LARP1B: variants seen among roughly 807,000 people sequenced by gnomAD.
LARP1B encodes the protein la-related protein 1B.
In LARP1B, 76 loss-of-function variants were observed where a neutral mutation model predicts 114.2. The observed-to-expected ratio is 0.67, with a 90% confidence interval of 0.55 to 0.81. The LOEUF (loss-of-function observed/expected upper bound fraction) is 0.81, where lower values mean the gene tolerates loss of function less well. Ranked by LOEUF, LARP1B falls within the 30% of genes least tolerant of loss-of-function variation. The pLI is 0.00. For synonymous variants in LARP1B, 345 were observed against 348.0 expected (o/e 0.99, Z 0.10); for missense variants, 1,014 against 1,075.8 (o/e 0.94, Z 0.80).
At chr4:128,126,209 C>T (rs574370941) in intron 11 of LARP1B, among the ~76,000 whole-genome samples, 9 of 151,414 alleles carry the variant, frequency 5.9e-5, no homozygotes, top group African/African-American at 1.9e-4. Flanking sequence ...GCAACCTCCG[C>T]CTCCCAGGTT....
chr4:128,112,469 T>TC (rs1784454540), intron 9 of LARP1B, among the ~76,000 whole-genome samples: 1 of 132,610 alleles, frequency 7.5e-6, no homozygotes, highest in African/African-American at 2.8e-5. Flanking sequence ...TTACTCTATT[T>TC]TTTTTTTTTT....
chr4:128,221,544 C>T (rs144566017), intron 7 of LARP1B, among the ~76,000 whole-genome samples: 41 of 152,260 alleles, frequency 2.7e-4, no homozygotes, highest in African/African-American at 8.2e-4. Context: ...AACCAGAATC[C>T]GCTGCTATTG....
At chr4:128,208,748 G>T (rs556734324) in intron 19 of LARP1B, among the ~76,000 whole-genome samples, 1 of 152,208 alleles carries the variant, frequency 6.6e-6, no homozygotes, top group Non-Finnish European at 1.5e-5. Context: ...GACTTTTTTT[G>T]AATGCAGGAT....
At chr4:128,117,387 T>C (rs1385497169) in intron 10 of LARP1B, among the ~76,000 whole-genome samples, 1 of 151,992 alleles carries the variant, frequency 6.6e-6, no homozygotes, top group Non-Finnish European at 1.5e-5. Flanking sequence ...TTTTTGCATT[T>C]ATCTATTTAT....
Position 128,210,546 on chromosome 4 carries a change from GTA to G in LARP1B, c.*497_*498del, listed in dbSNP as rs1475475616. On this transcript the variant is annotated 3_prime_UTR_variant, in exon 20 of 20. Transcript: ENST00000326639. ...ACTTACCAAAACAAAGGAGGATTACGTATATGTTTTTTAAATTCAAAAAAGAA... is the reference window on the plus strand; with the variant it reads ...ACTTACCAAAACAAAGGAGGATTACGTATGTTTTTTAAATTCAAAAAAGAA... 2.3e-5 allele frequency: 22 copies of G among 962,326 alleles called. No homozygotes were observed. Among genetic ancestry groups the G allele is most frequent in the East Asian group, 1.1e-4 (1 of 8,754 alleles). The allele number at this position is 962,326 out of a possible 1,614,324, so 59.6% of individuals were successfully genotyped here.
chr4:128,077,558 G>A (rs1322784661), intron 3 of LARP1B, among the ~76,000 whole-genome samples: 1 of 123,686 alleles, frequency 8.1e-6, no homozygotes, highest in Non-Finnish European at 1.6e-5. Context: ...ACTGAGTTTT[G>A]AAAGTTCATA....
intron 4 of LARP1B, among the ~76,000 whole-genome samples, chr4:128,081,703 A>G (rs1770531337): frequency 1.3e-5 from 2 of 152,158 alleles, no homozygotes; most frequent in African/African-American, 4.8e-5. Flanking sequence ...AGTTAAATTT[A>G]CAAGGGGATT....
chr4:128,127,837 A>C (rs1239021639), intron 11 of LARP1B, among the ~76,000 whole-genome samples: 2 of 152,202 alleles, frequency 1.3e-5, no homozygotes, highest in Non-Finnish European at 2.9e-5. Flanking sequence ...CTCGCAAAAC[A>C]AACAAAAAAC....
At chr4:128,069,639 G>A (rs903344815) in intron 1 of LARP1B, 2 of 620,298 alleles carry the variant, frequency 3.2e-6, no homozygotes, top group Admixed American at 5.0e-5. Flanking sequence ...GCTGCTGCTA[G>A]ACAGAAGGGG....
rs567073550 is a variant in LARP1B, at chr4:128,076,996, G to A, written c.43-792G>A. Among the ~76,000 whole-genome samples, 692 of 152,174 alleles carry A rather than the reference G, an allele frequency of 4.5e-3. 5 individuals carry two copies. Among genetic ancestry groups the A allele is most frequent in the Non-Finnish European group, 8.4e-3 (574 of 68,024 alleles). On this transcript the variant is annotated intron_variant, in intron 3 of 19. Transcript: ENST00000326639. ...CCTGCCTTGGCTTCCCAAAGTGCTAGGATTACAGGTGTGAGCCACCGAACC... is the reference window on the plus strand; with the variant it reads ...CCTGCCTTGGCTTCCCAAAGTGCTAAGATTACAGGTGTGAGCCACCGAACC...
chr4:128,073,572 G>GTTTTTTTTTTTTTTTTTTTTTTTTTTTT (rs568197117), intron 1 of LARP1B, among the ~76,000 whole-genome samples: 1 of 39,996 alleles, frequency 2.5e-5, no homozygotes, highest in Non-Finnish European at 5.0e-5. Flanking sequence ...TATTGTTGTC[G>GTTTTTTTTTTTTTTTTTTTTTTTTTTTT]TTTTTTTTTT....
intron 1 of LARP1B, chr4:128,061,754 G>T (rs939440922): frequency 6.1e-5 from 60 of 984,856 alleles, no homozygotes; most frequent in Non-Finnish European, 7.2e-5. Flanking sequence ...CGCGGTGACT[G>T]CTGAGAGGGA....
chr4:128,102,169 C>G (rs1325060144), intron 8 of LARP1B, among the ~76,000 whole-genome samples: 1 of 152,138 alleles, frequency 6.6e-6, no homozygotes, highest in African/African-American at 2.4e-5. Flanking sequence ...TCATTATGCA[C>G]CTACCATTTG....
chr4:128,152,559 TTTTTTA>T (rs1273187603), intron 11 of LARP1B, among the ~76,000 whole-genome samples: 2 of 151,802 alleles, frequency 1.3e-5, no homozygotes, highest in Admixed American at 6.6e-5. Flanking sequence ...ATGTTTTTTA[TTTTTTA>T]TTTTTATTTT....
At chr4:128,062,218 A>G in intron 1 of LARP1B, 1 of 985,426 alleles carries the variant, frequency 1.0e-6, no homozygotes, top group Non-Finnish European at 1.2e-6. Context: ...CCCTGGAGGC[A>G]GGTCTGTGGT....
chr4:128,113,393 G>T (rs1257599075), intron 9 of LARP1B, among the ~76,000 whole-genome samples: 1 of 145,760 alleles, frequency 6.9e-6, no homozygotes, highest in African/African-American at 2.6e-5. Flanking sequence ...CTGTCGCCCA[G>T]GCTGGAGCGC....
chr4:128,186,619 A>T (rs1028985645), intron 15 of LARP1B, among the ~76,000 whole-genome samples: 4 of 152,134 alleles, frequency 2.6e-5, no homozygotes, highest in African/African-American at 9.7e-5. Flanking sequence ...TCCAGTGTGG[A>T]TGCTCTTTCT....
chr4:128,197,304 T>C (rs1343692427), intron 15 of LARP1B, among the ~76,000 whole-genome samples: 4 of 152,214 alleles, frequency 2.6e-5, no homozygotes, highest in Admixed American at 6.5e-5. Context: ...TGTCAGGCTC[T>C]TAGTGACAAA....
At chr4:128,202,781 A>G (rs1407069711) in intron 17 of LARP1B, among the ~76,000 whole-genome samples, 1 of 152,154 alleles carries the variant, frequency 6.6e-6, no homozygotes, top group African/African-American at 2.4e-5. Context: ...TGTATTAGCT[A>G]CTTCTTAGGA....
Sources: gnomAD v4.1 joint callset for allele counts (sites outside exome capture counted in the v4.1 genomes callset) on GRCh38, gnomAD v4.1.1 for gene constraint, MANE v1.5 for transcripts, NCBI Gene and HGNC (gene_info 2026-07-23, HGNC 2026-07-21) for gene names.